Variants in LRRIQ1 observed in about 807,000 individuals in gnomAD.
LRRIQ1 encodes leucine rich repeats and IQ motif containing 1.
LRRIQ1 carries 210 observed loss-of-function variants against 211.9 expected under a neutral mutation model. The ratio of observed to expected loss-of-function variants is 0.99; its 90% confidence interval spans 0.89 to 1.11. The LOEUF (loss-of-function observed/expected upper bound fraction) is 1.11. LRRIQ1 is among the 50% of genes most tolerant of loss of function. LRRIQ1 has a pLI of 0.00. For synonymous variants in LRRIQ1, 699 were observed against 650.1 expected, an observed-to-expected ratio of 1.08 and a Z score of -1.14; for missense variants, 2,136 against 1,939.5, an observed-to-expected ratio of 1.10 and a Z score of -1.90.
At chr12:85,155,915 A>G (rs568440875) in intron 23 of LRRIQ1, among the ~76,000 whole-genome samples, 2 of 151,654 alleles carry the variant, frequency 1.3e-5, no homozygotes, top group South Asian at 4.1e-4. Flanking sequence ...AGTACATAAA[A>G]ATCATTGCTT....
At chr12:85,136,483 C>T (rs1392370962) in intron 18 of LRRIQ1, among the ~76,000 whole-genome samples, 1 of 151,826 alleles carries the variant, frequency 6.6e-6, no homozygotes, top group East Asian at 1.9e-4. Flanking sequence ...GAGTTAGAAG[C>T]AGAGTTAAAA....
Position 85,056,362 on chromosome 12 carries a change from A to G in LRRIQ1, c.1569A>G (p.Glu523=). Residue 523 remains glutamate, a synonymous_variant, in exon 8 of 27, where the codon GAA becomes GAG. Coordinates refer to ENST00000393217, the MANE Select transcript of LRRIQ1 (RefSeq NM_001079910.2). ...CTGATCTAAAAGGAAATCTGAAAGA[A>G]CAGTTTCCATTGCAAGAATTAAAGT... is the stretch of plus-strand genomic sequence containing the variant. ...GNSDLKGNLK[E]QFPLQELKSD... is the part of the protein sequence containing the mutation. The G allele has an allele frequency of 6.3e-7, 1 of 1,592,636 alleles. No homozygotes were observed. The highest frequency in any genetic ancestry group is 8.5e-7 in the Non-Finnish European group (1 of 1,174,586).
chr12:85,046,873 A>G (rs1202474278), intron 5 of LRRIQ1, among the ~76,000 whole-genome samples: 2 of 152,164 alleles, frequency 1.3e-5, no homozygotes, highest in East Asian at 3.9e-4. Context: ...GAAGCTGGAA[A>G]CCATCATTCT....
chr12:85,257,078 A>G (rs1896125838), intron 1 of LRRIQ1, among the ~76,000 whole-genome samples: 1 of 111,064 alleles, frequency 9.0e-6, no homozygotes, highest in African/African-American at 3.4e-5. Flanking sequence ...ATATAAATAT[A>G]TATAATTATA....
At position 85,056,047 on chromosome 12, in the gene LRRIQ1, T is replaced by A. The variant is rs1383946293; in HGVS notation, c.1254T>A (p.Asp418Glu). The change falls in exon 8 of 27, where the codon GAT becomes GAA. Residue 418 changes from aspartate to glutamate, a missense_variant. By Grantham distance (45) the Asp-to-Glu change is conservative. Coordinates refer to ENST00000393217, the MANE Select transcript of LRRIQ1 (RefSeq NM_001079910.2). The stretch of plus-strand genomic sequence containing the variant: ...TAAGTCTTGAAGATATTTCAAATGA[T>A]AAGGGTGATATAGCCAAAAATCTAG... ...KHLSLEDISN[D>E]KGDIAKNLVD... is the part of the protein sequence containing the mutation. 2.5e-6 allele frequency: 4 copies of A among 1,601,454 alleles called. No individual in the cohort carries two copies. The highest frequency in any genetic ancestry group is 3.4e-6 in the Non-Finnish European group (4 of 1,176,474).
chr12:85,059,891 T>C (rs1403110162), intron 8 of LRRIQ1, among the ~76,000 whole-genome samples: 2 of 151,978 alleles, frequency 1.3e-5, no homozygotes, highest in Middle Eastern at 3.2e-3. Context: ...GTTAATCTTA[T>C]CTCCTCATTA....
At chr12:85,149,178 G>C (rs1890082009) in intron 19 of LRRIQ1, among the ~76,000 whole-genome samples, 5 of 151,906 alleles carry the variant, frequency 3.3e-5, no homozygotes, top group Admixed American at 3.3e-4. Context: ...GTGAATTTTG[G>C]CTTTTATTGC....
chr12:85,121,793 G>C lies in LRRIQ1; in HGVS notation c.3474G>C (p.Leu1158=). 6.2e-7 allele frequency: 1 copy of C among 1,607,630 alleles called. No individual in the cohort carries two copies. Among genetic ancestry groups the C allele is most frequent in the Non-Finnish European group, 8.5e-7 (1 of 1,176,926 alleles). ...GCCGCACTGAAGAACACAATCAACT[G>C]GGATCAGCAGGTTTCCTGGCACTTT... is the stretch of plus-strand genomic sequence containing the variant. ...SESRTEEHNQ[L]GSAGFLALCQ... Residue 1158 remains leucine, a synonymous_variant, in exon 16 of 27, where the codon CTG becomes CTC. Coordinates refer to ENST00000393217, the MANE Select transcript of LRRIQ1 (RefSeq NM_001079910.2).
intron 6 of LRRIQ1, chr12:85,047,991 T>TAC: frequency 2.0e-5 from 3 of 148,572 alleles, no homozygotes; most frequent in Non-Finnish European, 4.5e-5. Flanking sequence ...TTGGTGTTGT[T>TAC]TTCCCCCTAG....
At chr12:85,172,725 C>T (rs1891476633) in intron 24 of LRRIQ1, among the ~76,000 whole-genome samples, 1 of 152,010 alleles carries the variant, frequency 6.6e-6, no homozygotes, top group African/African-American at 2.4e-5. Context: ...CTTAAACCAG[C>T]AATGGGAAAA....
chr12:85,098,742 C>A, intron 12 of LRRIQ1, 125 bp from the exon 13 acceptor site: 1 of 730,036 alleles, frequency 1.4e-6, no homozygotes, highest in Non-Finnish European at 2.1e-6. Flanking sequence ...AAGTCTTATA[C>A]CTTATGATAT....
At chr12:85,101,610 C>T (rs1886349914) in intron 13 of LRRIQ1, among the ~76,000 whole-genome samples, 1 of 151,720 alleles carries the variant, frequency 6.6e-6, no homozygotes, top group Non-Finnish European at 1.5e-5. Context: ...CACAGAATGT[C>T]GGTAAAAGGA....
chr12:85,107,482 A>G (rs1031221853), intron 15 of LRRIQ1, among the ~76,000 whole-genome samples: 2 of 152,102 alleles, frequency 1.3e-5, no homozygotes, highest in South Asian at 2.1e-4. Flanking sequence ...GATCACTGGT[A>G]TTCAACAATT....
In LRRIQ1 at chr12:85,044,816, A is replaced by G; in HGVS notation, c.336+7A>G. ...TTCAGAGCAATTAATTAAGGTATATATTCAATATTTGACTTAAAATATTCA... is the reference window on the plus strand; with the variant it reads ...TTCAGAGCAATTAATTAAGGTATATGTTCAATATTTGACTTAAAATATTCA... On this transcript the variant is annotated splice_region_variant and intron_variant, in intron 4 of 26. Transcript: ENST00000393217. 7.7e-7 allele frequency: 1 copy of G among 1,296,872 alleles called. No homozygotes were observed. The highest frequency in any genetic ancestry group is 1.1e-6 in the Non-Finnish European group (1 of 914,126). The allele number at this position is 1,296,872 out of a possible 1,614,324, so 80.3% of individuals were successfully genotyped here.
At chr12:85,154,781 T>C (rs1244424715) in intron 23 of LRRIQ1, among the ~76,000 whole-genome samples, 1 of 151,226 alleles carries the variant, frequency 6.6e-6, no homozygotes, top group Non-Finnish European at 1.5e-5. Context: ...TATTTACTCA[T>C]ATAAATATAA....
intron 10 of LRRIQ1, among the ~76,000 whole-genome samples, chr12:85,068,959 C>CT (rs1882751812): frequency 6.6e-6 from 1 of 150,726 alleles, no homozygotes; most frequent in Admixed American, 6.6e-5. Flanking sequence ...TATTATTATA[C>CT]TTTAAGTTTT....
At chr12:85,037,990 A>C (rs1002815367) in intron 1 of LRRIQ1, among the ~76,000 whole-genome samples, 163 bp from the exon 2 acceptor site, 63 of 152,008 alleles carry the variant, frequency 4.1e-4, no homozygotes, top group African/African-American at 1.4e-3. Context: ...AAGTTTAAAA[A>C]GAATGATTGA....
At chr12:85,049,055 A>C (rs563209106) in intron 6 of LRRIQ1, among the ~76,000 whole-genome samples, 2 of 152,356 alleles carry the variant, frequency 1.3e-5, no homozygotes, top group East Asian at 3.9e-4. Context: ...ATTATGATTT[A>C]AGGAAATGCA....
In LRRIQ1 at chr12:85,066,855, T is replaced by C; in HGVS notation, c.2652T>C (p.Asn884=). 6.4e-7 allele frequency: 1 copy of C among 1,572,642 alleles called. No homozygotes were observed. The highest frequency in any genetic ancestry group is 8.7e-7 in the Non-Finnish European group (1 of 1,151,870). Residue 884 remains asparagine, a synonymous_variant, in exon 10 of 27, where the codon AAT becomes AAC. Coordinates refer to ENST00000393217, the MANE Select transcript of LRRIQ1 (RefSeq NM_001079910.2). ...TTCATGGTTTGGATGGCTGTACTAA[T>C]ATTCAGTGTCTTGAACTTTCATATA... ...TSLHGLDGCT[N]IQCLELSYNK... is the part of the protein sequence containing the mutation.
Sources: gnomAD v4.1 joint callset for allele counts (sites outside exome capture counted in the v4.1 genomes callset) on GRCh38, gnomAD v4.1.1 for gene constraint, MANE v1.5 for transcripts, NCBI Gene and HGNC (gene_info 2026-07-23, HGNC 2026-07-21) for gene names.